The following SORCS2 variants were observed in gnomAD, a reference collection of about 807,000 sequenced individuals.
The protein encoded by SORCS2 is VPS10 domain-containing receptor SorCS2.
In SORCS2, 100 loss-of-function variants were observed where a neutral mutation model predicts 141.6. The observed-to-expected ratio is 0.71, with a 90% confidence interval of 0.60 to 0.83. The LOEUF (loss-of-function observed/expected upper bound fraction) is 0.83, where lower values mean the gene tolerates loss of function less well. Among genes scored for constraint, SORCS2 ranks in the 40% least tolerant of loss-of-function variants. SORCS2 has a pLI of 0.00. For missense variants in SORCS2, 1,646 were observed against 1,560.2 expected, an observed-to-expected ratio of 1.05 and a Z score of -0.93; for synonymous variants, 789 against 676.9, an observed-to-expected ratio of 1.17 and a Z score of -2.57.
rs927920122 is a variant in SORCS2 at position 7,628,443 on chromosome 4, C to T, written c.649-9885C>T. Among the ~76,000 whole-genome samples the T allele has an allele frequency of 2.7e-5, 4 of 149,486 alleles. No homozygotes were observed. In the East Asian group the frequency reaches 6.1e-4, roughly 23 times the overall value. On this transcript the variant is annotated intron_variant, in intron 3 of 26. Coordinates refer to ENST00000507866, the MANE Select transcript of SORCS2 (RefSeq NM_020777.3). Reference sequence around the variant, plus strand: ...CTGAGGCAGGAGAATGGCATGAACCCGGGAGATGGAGCTTGCAGTGAGCTG... The same window carrying T: ...CTGAGGCAGGAGAATGGCATGAACCTGGGAGATGGAGCTTGCAGTGAGCTG...
At chr4:7,679,694 C>T (rs1304462743) in intron 9 of SORCS2, among the ~76,000 whole-genome samples, 4 of 150,928 alleles carry the variant, frequency 2.7e-5, no homozygotes, top group African/African-American at 9.7e-5. Context: ...TGAATTTGGA[C>T]TCTAGCCTCC....
rs774161295 is a variant in SORCS2, at chr4:7,712,756, G to A, written c.1892G>A (p.Arg631His). The change falls in exon 15 of 27, where the codon CGC (arginine) becomes CAC (histidine). Residue 631 changes from arginine to histidine, a missense_variant. Arg to His is a conservative substitution (Grantham distance 29, BLOSUM62 0). Coordinates refer to ENST00000507866, the MANE Select transcript of SORCS2 (RefSeq NM_020777.3). ...AGGGTCTTTGGCCACATCAGCTTCC[G>A]CTCCGATTGGGAGCTGGTCAAGGTG... ...VMTVFGHISFRSDWELVKVDF... is the reference protein window; with the variant it reads ...VMTVFGHISFHSDWELVKVDF... 17 of 1,613,840 alleles carry A rather than the reference G, an allele frequency of 1.1e-5. No homozygotes were observed. The highest frequency in any genetic ancestry group is 5.0e-5 in the Admixed American group (3 of 60,000).
chr4:7,287,523 C>T (rs1452743270), intron 1 of SORCS2, among the ~76,000 whole-genome samples: 9 of 152,252 alleles, frequency 5.9e-5, no homozygotes, highest in African/African-American at 2.2e-4. Context: ...GCAGGAGCCC[C>T]TACTTCATGG....
chr4:7,656,021 C>T (rs1391935678), intron 5 of SORCS2, among the ~76,000 whole-genome samples: 1 of 152,256 alleles, frequency 6.6e-6, no homozygotes, highest in African/African-American at 2.4e-5. Flanking sequence ...CGGCCCCGGC[C>T]CTGGGATCTC....
chr4:7,331,647 A>G (rs1380470059), intron 1 of SORCS2, among the ~76,000 whole-genome samples: 9 of 152,260 alleles, frequency 5.9e-5, no homozygotes, highest in Non-Finnish European at 1.3e-4. Flanking sequence ...CTGTCCACCC[A>G]CGCCCCCGGG....
intron 1 of SORCS2, among the ~76,000 whole-genome samples, chr4:7,253,964 C>T (rs950528258): frequency 9.2e-5 from 14 of 152,094 alleles, no homozygotes; most frequent in African/African-American, 3.1e-4. Flanking sequence ...AAATCAAAAC[C>T]ACAATAAGAT....
chr4:7,233,195 C>T lies in SORCS2; in HGVS notation c.480+40069C>T, dbSNP rs1361011167. Among the ~76,000 whole-genome samples the T allele has an allele frequency of 3.3e-5, 5 of 152,102 alleles. No homozygotes were observed. Among genetic ancestry groups the T allele is most frequent in the African/African-American group, 4.8e-5 (2 of 41,436 alleles). On this transcript the variant is annotated intron_variant, in intron 1 of 26. Coordinates refer to ENST00000507866, the MANE Select transcript of SORCS2 (RefSeq NM_020777.3). The surrounding 1 kb of genome is among the most constrained non-coding windows in gnomAD (Gnocchi z 4.5). ...GTCACTGCAGGCAGCAGGAACGGCA[C>T]GGCAGAGGGAGCCTTCCAGAGCAGG...
At chr4:7,423,010 T>G in intron 2 of SORCS2, among the ~76,000 whole-genome samples, 1 of 10,896 alleles carries the variant, frequency 9.2e-5, no homozygotes, top group African/African-American at 3.9e-4. Flanking sequence ...CCCCCACCCC[T>G]CTCTCCACTT....
chr4:7,384,923 G>A (rs540247221), intron 1 of SORCS2, among the ~76,000 whole-genome samples: 28 of 152,342 alleles, frequency 1.8e-4, no homozygotes, highest in Non-Finnish European at 3.1e-4. Context: ...GTCCAGGCTC[G>A]CCGGCTCAGC....
At chr4:7,554,574 TAA>T (rs1713966150) in intron 3 of SORCS2, among the ~76,000 whole-genome samples, 2 of 152,090 alleles carry the variant, frequency 1.3e-5, no homozygotes, top group South Asian at 4.1e-4. Flanking sequence ...CAAACACCAT[TAA>T]AGTGTTTGGA....
chr4:7,441,022 G>T (rs1269608026), intron 2 of SORCS2, among the ~76,000 whole-genome samples: 1 of 152,154 alleles, frequency 6.6e-6, no homozygotes, highest in Admixed American at 6.5e-5. Flanking sequence ...GAGATTTGGG[G>T]AGAGGTGGTG....
intron 1 of SORCS2, among the ~76,000 whole-genome samples, chr4:7,295,713 A>G (rs2108888221): frequency 6.6e-6 from 1 of 152,286 alleles, no homozygotes; most frequent in African/African-American, 2.4e-5. Context: ...TGTTGCCACC[A>G]TGTGGGGTGG....
intron 2 of SORCS2, among the ~76,000 whole-genome samples, chr4:7,499,767 A>G (rs1263980123): frequency 6.6e-6 from 1 of 151,488 alleles, no homozygotes; most frequent in East Asian, 2.0e-4. Flanking sequence ...GAGAAACCCC[A>G]CAAGTCATTA....
intron 2 of SORCS2, among the ~76,000 whole-genome samples, chr4:7,492,186 C>T (rs1036380115): frequency 2.0e-5 from 3 of 152,250 alleles, no homozygotes; most frequent in Admixed American, 1.3e-4. Flanking sequence ...CTGCCCACCT[C>T]CCGCCACCTG....
At chr4:7,592,075 T>G (rs1233103781) in intron 3 of SORCS2, among the ~76,000 whole-genome samples, 2 of 152,198 alleles carry the variant, frequency 1.3e-5, no homozygotes, top group African/African-American at 4.8e-5. Flanking sequence ...AAGCACCACA[T>G]GAGCCCTGAG....
intron 8 of SORCS2, 54 bp from the exon 9 acceptor site, chr4:7,675,996 C>G: frequency 6.5e-7 from 1 of 1,538,104 alleles, no homozygotes; most frequent in Non-Finnish European, 8.8e-7. Context: ...TTCTTCCTCC[C>G]TCGTGCAGCC....
chr4:7,596,834 G>C (rs568012398), intron 3 of SORCS2, among the ~76,000 whole-genome samples: 1 of 152,116 alleles, frequency 6.6e-6, no homozygotes, highest in Admixed American at 6.5e-5. Flanking sequence ...CTCAGGCCAC[G>C]CAGTGAGCAG....
intron 3 of SORCS2, among the ~76,000 whole-genome samples, chr4:7,581,647 T>C (rs940384287): frequency 1.3e-5 from 2 of 152,182 alleles, no homozygotes; most frequent in African/African-American, 4.8e-5. Context: ...CTCACGCAGA[T>C]TGGGTCTTGG....
intron 1 of SORCS2, among the ~76,000 whole-genome samples, chr4:7,245,281 C>G (rs1238574445): frequency 1.3e-5 from 2 of 152,198 alleles, no homozygotes; most frequent in East Asian, 1.9e-4. Context: ...CACCCCCCAC[C>G]CCGGCTTGGC....
Sources: gnomAD v4.1 joint callset for allele counts (sites outside exome capture counted in the v4.1 genomes callset) on GRCh38, gnomAD v4.1.1 for gene constraint, Gnocchi (gnomAD v3.1) non-coding constraint, MANE v1.5 for transcripts, NCBI Gene and HGNC (gene_info 2026-07-23, HGNC 2026-07-21) for gene names.